Variants in ERC1 observed in about 807,000 individuals in gnomAD.
ERC1 encodes ELKS/RAB6-interacting/CAST family member 1.
A neutral mutation model predicts 132.0 loss-of-function variants in ERC1; 56 were observed. That is an observed-to-expected ratio of 0.42 (90% CI 0.34 to 0.53). ERC1 has a LOEUF of 0.53. ERC1 is among the 20% of genes least tolerant of loss of function. The pLI, the probability that ERC1 is intolerant of heterozygous loss-of-function variation, is 0.03. For missense variants in ERC1, 1,202 were observed against 1,349.9 expected (o/e 0.89, Z 1.72); for synonymous variants, 478 against 476.1 (o/e 1.00, Z -0.05).
intron 7 of ERC1, among the ~76,000 whole-genome samples, chr12:1,122,703 C>CTATCTCTATCTCTATCTG (rs1202737827): frequency 4.6e-5 from 7 of 152,034 alleles, no homozygotes; most frequent in South Asian, 2.1e-4. Flanking sequence ...ATCTAAATCT[C>CTATCTCTATCTCTATCTG]TGAAACAGCT....
intron 8 of ERC1, among the ~76,000 whole-genome samples, chr12:1,178,718 G>A (rs1427675538): frequency 6.6e-6 from 1 of 152,170 alleles, no homozygotes; most frequent in Non-Finnish European, 1.5e-5. Flanking sequence ...ATCAGCTCAA[G>A]AGGAGATGGT....
Position 1,180,560 on chromosome 12 carries a change from G to C in ERC1, c.1758G>C (p.Gln586His), listed in dbSNP as rs781544487. 2 of 1,613,896 alleles carry C rather than the reference G, an allele frequency of 1.2e-6. No individual in the cohort carries two copies. The highest frequency in any genetic ancestry group is 1.7e-6 in the Non-Finnish European group (2 of 1,180,004). Residue 586 changes from glutamine (Q) to histidine (H), a missense_variant, in exon 9 of 19, where the codon CAG (glutamine) becomes CAC (histidine). Gln to His is a conservative substitution (Grantham distance 24). Coordinates refer to ENST00000360905, the MANE Select transcript of ERC1 (RefSeq NM_178040.4). ...LQKKIENLQE[Q>H]LRDKEKQMSS... is the part of the protein sequence containing the mutation. ...TTTAGATTGAAAATCTTCAAGAGCA[G>C]CTTAGAGACAAGGAAAAGCAGATGA...
At chr12:1,488,133 CGTCTCAGAAAAAAAAAAAAAAAAAAA>C (rs932110910) in intron 18 of ERC1, among the ~76,000 whole-genome samples, 1 of 136,406 alleles carries the variant, frequency 7.3e-6, no homozygotes, top group Admixed American at 7.7e-5. Flanking sequence ...GCGAGACTCA[CGTCTCAGAAAAAAAAAAAAAAAAAAA>C]AAAGATAGAT....
intron 18 of ERC1, among the ~76,000 whole-genome samples, chr12:1,463,707 G>GTGTGTGTGTGTGTGTGTGTGTGTGTGTT (rs1565488392): frequency 3.1e-4 from 47 of 151,434 alleles, no homozygotes; most frequent in African/African-American, 1.0e-3. Context: ...CTGTGTGTGT[G>GTGTGTGTGTGTGTGTGTGTGTGTGTGTT]TGTGTGTGTG....
intron 1 of ERC1, among the ~76,000 whole-genome samples, chr12:992,427 C>G (rs117447426): frequency 3.9e-5 from 6 of 152,138 alleles, no homozygotes; most frequent in Non-Finnish European, 8.8e-5. Flanking sequence ...CTCAGTACAC[C>G]TTGACTTTTA....
intron 17 of ERC1, among the ~76,000 whole-genome samples, chr12:1,420,797 G>A (rs1006496778): frequency 1.3e-5 from 2 of 151,832 alleles, no homozygotes; most frequent in African/African-American, 2.4e-5. Context: ...GAGTTATCTG[G>A]AACTCTTTAC....
chr12:1,319,913 A>G (rs73034926), intron 15 of ERC1, among the ~76,000 whole-genome samples: 5,266 of 152,198 alleles, frequency 0.035, 98 homozygotes, highest in Middle Eastern at 0.075. Flanking sequence ...GTTTGTATGC[A>G]GGGGGGCGGC....
intron 12 of ERC1, among the ~76,000 whole-genome samples, chr12:1,196,464 G>T (rs966749230): frequency 2.1e-4 from 32 of 151,166 alleles, no homozygotes; most frequent in Non-Finnish European, 4.4e-4. Context: ...TTTTGGGTTG[G>T]GGGGGTATGT....
intron 15 of ERC1, among the ~76,000 whole-genome samples, chr12:1,355,462 A>G (rs1408581223): frequency 6.6e-6 from 1 of 152,218 alleles, no homozygotes; most frequent in Non-Finnish European, 1.5e-5. Flanking sequence ...AACCTACACC[A>G]TAAAAAGCTT....
At chr12:1,386,714 C>T (rs1221329418) in intron 16 of ERC1, 1 of 148,494 alleles carries the variant, frequency 6.7e-6, no homozygotes, top group Non-Finnish European at 1.5e-5. Flanking sequence ...AAATTTTACA[C>T]ACTTATGTAA....
chr12:1,253,397 CT>C (rs1417122635), intron 13 of ERC1, among the ~76,000 whole-genome samples: 1 of 152,148 alleles, frequency 6.6e-6, no homozygotes, highest in Non-Finnish European at 1.5e-5. Context: ...AGGCAGCTAG[CT>C]GGGTGTGGTG....
chr12:1,328,606 T>C (rs1327358576), intron 15 of ERC1, among the ~76,000 whole-genome samples: 3 of 151,836 alleles, frequency 2.0e-5, no homozygotes, highest in Non-Finnish European at 4.4e-5. Flanking sequence ...TGACCTCACG[T>C]TTCTCCTTTC....
At chr12:1,319,011 G>A (rs1367096829) in intron 15 of ERC1, among the ~76,000 whole-genome samples, 8 of 152,124 alleles carry the variant, frequency 5.3e-5, no homozygotes, top group Non-Finnish European at 1.5e-5. Context: ...TTTCCTCTGT[G>A]GGAGTAATTA....
At chr12:1,091,122 C>T (rs1393408441) in intron 3 of ERC1, among the ~76,000 whole-genome samples, 1 of 152,146 alleles carries the variant, frequency 6.6e-6, no homozygotes, top group Admixed American at 6.5e-5. Context: ...CTCCTGACCT[C>T]AGGTGATCTG....
At chr12:1,441,465 T>G (rs1339266458) in intron 17 of ERC1, among the ~76,000 whole-genome samples, 3 of 152,260 alleles carry the variant, frequency 2.0e-5, no homozygotes. Flanking sequence ...TGTTTTACTA[T>G]AAGGAATTTG....
At chr12:1,016,843 G>A (rs1184320742) in intron 1 of ERC1, among the ~76,000 whole-genome samples, 5 of 151,722 alleles carry the variant, frequency 3.3e-5, no homozygotes, top group Admixed American at 2.6e-4. Flanking sequence ...TAGAGATGGG[G>A]CTTCACCATG....
At chr12:1,404,492 A>G (rs1390058181) in intron 16 of ERC1, among the ~76,000 whole-genome samples, 1 of 152,180 alleles carries the variant, frequency 6.6e-6, no homozygotes, top group African/African-American at 2.4e-5. Flanking sequence ...CTGGGAGAGC[A>G]AAAACAGAAG....
intron 15 of ERC1, among the ~76,000 whole-genome samples, chr12:1,297,538 CAAAAAAA>C (rs34023344): frequency 3.7e-5 from 3 of 80,572 alleles, no homozygotes; most frequent in Admixed American, 1.5e-4. Context: ...CCTGTTTCTA[CAAAAAAA>C]AAAAAAAAAA....
intron 15 of ERC1, among the ~76,000 whole-genome samples, chr12:1,298,909 CAA>C (rs1228642558): frequency 1.3e-5 from 2 of 152,046 alleles, no homozygotes; most frequent in African/African-American, 2.4e-5. Context: ...TAATATCAGA[CAA>C]AGAGTATTCC....
Sources: gnomAD v4.1 joint callset for allele counts (sites outside exome capture counted in the v4.1 genomes callset) on GRCh38, gnomAD v4.1.1 for gene constraint, MANE v1.5 for transcripts, NCBI Gene and HGNC (gene_info 2026-07-23, HGNC 2026-07-21) for gene names.